CENPP: variants seen among roughly 807,000 people sequenced by gnomAD.
CENPP encodes centromere protein P.
Under a neutral mutation model 35.6 loss-of-function variants are expected in CENPP, and 24 were observed. The observed-to-expected ratio is 0.67, with a 90% CI of 0.49 to 0.95. CENPP has a LOEUF of 0.95. CENPP is among the 40% of genes least tolerant of loss of function. The probability of loss-of-function intolerance (pLI) is 0.00; values close to 1 mark genes in which losing one functional copy is unlikely to be tolerated. For synonymous variants in CENPP, 120 were observed against 125.5 expected, an observed-to-expected ratio of 0.96 and a Z score of 0.29; for missense variants, 332 against 345.3, an observed-to-expected ratio of 0.96 and a Z score of 0.31.
In CENPP at chr9:92,611,301, T is replaced by C. The variant is rs753697378; in HGVS notation, c.565-13T>C. 6.2e-7 allele frequency: 1 copy of C among 1,610,802 alleles called. No individual in the cohort carries two copies. Among genetic ancestry groups the C allele is most frequent in the Non-Finnish European group, 8.5e-7 (1 of 1,177,524 alleles). On this transcript the variant is annotated splice_polypyrimidine_tract_variant and intron_variant, in intron 5 of 7. Coordinates refer to ENST00000375587, the MANE Select transcript of CENPP (RefSeq NM_001012267.3). The stretch of plus-strand genomic sequence containing the variant: ...CCAGTGGATCTGTCTACCCGTTTCT[T>C]CTCCCCATGCAGGAAAAGTACCCAG...
chr9:92,570,536 G>T (rs146995041), intron 5 of CENPP, among the ~76,000 whole-genome samples: 6,060 of 152,140 alleles, frequency 0.04, 185 homozygotes, highest in South Asian at 0.098. Flanking sequence ...GGTCTAAAAT[G>T]CTCTTTTTTT....
At chr9:92,343,666 C>G (rs898173063) in intron 3 of CENPP, among the ~76,000 whole-genome samples, 5 of 152,178 alleles carry the variant, frequency 3.3e-5, no homozygotes, top group Admixed American at 2.0e-4. Flanking sequence ...CAAAGTTAAG[C>G]TGGCCACATT....
chr9:92,516,078 C>T (rs1451355615), intron 5 of CENPP, among the ~76,000 whole-genome samples: 1 of 150,022 alleles, frequency 6.7e-6, no homozygotes, highest in Admixed American at 6.6e-5. Context: ...TTTTTCCCCC[C>T]CCCGAGACGG....
intron 5 of CENPP, among the ~76,000 whole-genome samples, chr9:92,401,956 G>A (rs895879438): frequency 2.0e-5 from 3 of 152,106 alleles, no homozygotes; most frequent in Non-Finnish European, 4.4e-5. Flanking sequence ...CCATCTGTGT[G>A]GTGGTTGAAC....
intron 4 of CENPP, among the ~76,000 whole-genome samples, chr9:92,352,505 G>GTGTGTGTGTGTATAGATATATA: frequency 2.0e-5 from 1 of 49,794 alleles, no homozygotes. Context: ...GTGTGTGTGT[G>GTGTGTGTGTGTATAGATATATA]TATACATATA....
rs766310025 is a variant in CENPP, at chr9:92,552,188, T to TACAC, written c.565-59125_565-59124insCACA. ...TATATGTGATATGATAGATCTATCATATACACACACACACACACACACACA... is the reference window on the plus strand; with the variant it reads ...TATATGTGATATGATAGATCTATCATACACATACACACACACACACACACACACA... On this transcript the variant is annotated intron_variant, in intron 5 of 7. Transcript: ENST00000375587. Among the ~76,000 whole-genome samples, 120 of 100,114 alleles carry TACAC rather than the reference T, an allele frequency of 1.2e-3. 7 individuals carry two copies. The highest frequency in any genetic ancestry group is 3.1e-3 in the African/African-American group (48 of 15,650). The allele number at this position is 100,114 out of a possible 152,430, so 65.7% of individuals were successfully genotyped here. A position where few individuals can be genotyped will look rare whatever the true frequency, so the allele number is the denominator to read the frequency against.
At chr9:92,481,830 T>C (rs1001097233) in intron 5 of CENPP, among the ~76,000 whole-genome samples, 1 of 152,148 alleles carries the variant, frequency 6.6e-6, no homozygotes, top group African/African-American at 2.4e-5. Flanking sequence ...AAAATTGACA[T>C]TTCAGTAATT....
chr9:92,415,133 A>G (rs2130954737), intron 5 of CENPP: 2 of 1,572,078 alleles, frequency 1.3e-6, no homozygotes, highest in Middle Eastern at 1.7e-4. Context: ...TCGTAAGTGT[A>G]TACCTATATA....
chr9:92,454,312 G>C (rs1157486957), intron 5 of CENPP, among the ~76,000 whole-genome samples: 1 of 151,986 alleles, frequency 6.6e-6, no homozygotes, highest in Non-Finnish European at 1.5e-5. Flanking sequence ...TTAAAATTTT[G>C]GTTTTGTCTT....
intron 1 of CENPP, among the ~76,000 whole-genome samples, chr9:92,330,736 T>C (rs1840719631): frequency 6.7e-6 from 1 of 148,656 alleles, no homozygotes; most frequent in African/African-American, 2.5e-5. Context: ...TTGCCCAGGC[T>C]GGAATACAGT....
chr9:92,465,128 G>A (rs1000408994), intron 5 of CENPP: 5 of 820,840 alleles, frequency 6.1e-6, no homozygotes, highest in Non-Finnish European at 1.0e-5. Flanking sequence ...ATCCCAAGAA[G>A]CGTGAGCTTC....
At chr9:92,526,544 A>G (rs1848420652) in intron 5 of CENPP, among the ~76,000 whole-genome samples, 1 of 151,976 alleles carries the variant, frequency 6.6e-6, no homozygotes, top group Admixed American at 6.5e-5. Context: ...CAGCAAACCA[A>G]ACCCAAAATT....
At chr9:92,348,266 C>T (rs1243659003) in intron 4 of CENPP, among the ~76,000 whole-genome samples, 3 of 151,296 alleles carry the variant, frequency 2.0e-5, no homozygotes, top group Non-Finnish European at 4.4e-5. Context: ...GCTGACAAAA[C>T]GTGTTTTTGT....
At chr9:92,363,589 T>C (rs976503325) in intron 4 of CENPP, among the ~76,000 whole-genome samples, 2 of 152,208 alleles carry the variant, frequency 1.3e-5, no homozygotes, top group African/African-American at 2.4e-5. Flanking sequence ...GAATAAATCA[T>C]CTGACAATGC....
intron 5 of CENPP, among the ~76,000 whole-genome samples, chr9:92,587,842 T>C (rs72754477): frequency 0.04 from 6,064 of 152,222 alleles, 186 homozygotes; most frequent in South Asian, 0.099. Flanking sequence ...TGGTTACTTT[T>C]GAGCCAGGCA....
In CENPP at chr9:92,593,323, C is replaced by T. The variant is rs776100412; in HGVS notation, c.565-17991C>T. ...ACCGTGGCATCACACACAGGAGATACTCCATAATATCATTTTGAATGAATG... is the reference window on the plus strand; with the variant it reads ...ACCGTGGCATCACACACAGGAGATATTCCATAATATCATTTTGAATGAATG... On this transcript the variant is annotated intron_variant, in intron 5 of 7. Coordinates refer to ENST00000375587, the MANE Select transcript of CENPP (RefSeq NM_001012267.3). This position sits in a 1 kb window ranked among gnomAD's most constrained non-coding sequence, Gnocchi z 4.1. Among the ~76,000 whole-genome samples, 20 of 152,234 alleles carry T rather than the reference C, an allele frequency of 1.3e-4. No individual in the cohort carries two copies. Among genetic ancestry groups the T allele is most frequent in the Non-Finnish European group, 2.2e-4 (15 of 68,042 alleles).
intron 3 of CENPP, among the ~76,000 whole-genome samples, chr9:92,341,140 T>A (rs1841104449): frequency 6.6e-6 from 1 of 152,168 alleles, no homozygotes; most frequent in Non-Finnish European, 1.5e-5. Flanking sequence ...GCTCCCAGGC[T>A]TATTAGGAAG....
Position 92,612,549 on chromosome 9 carries a change from TACA to T in CENPP, c.673_675del (p.Gln225del), listed in dbSNP as rs1466561787. ...TTTGAATTAGTCATTGTTTGGAGGATACAAATAGATGAAGATGGGAAGGTTTTT... is the reference window on the plus strand; with the variant it reads ...TTTGAATTAGTCATTGTTTGGAGGATAATAGATGAAGATGGGAAGGTTTTT... On this transcript the variant is annotated inframe_deletion, in exon 7 of 8. Transcript: ENST00000375587. The T allele has an allele frequency of 6.8e-6, 11 of 1,613,856 alleles. No homozygotes were observed. In the African/African-American group the frequency reaches 1.5e-4, roughly 22 times the overall value.
At chr9:92,325,865 C>T (rs903328788), upstream of CENPP, 11 of 655,158 alleles carry the variant, frequency 1.7e-5, no homozygotes, top group Non-Finnish European at 2.8e-5. Context: ...TCACGCGGAG[C>T]TCTCCCGCCT....
Sources: gnomAD v4.1 joint callset for allele counts (sites outside exome capture counted in the v4.1 genomes callset) on GRCh38, gnomAD v4.1.1 for gene constraint, Gnocchi (gnomAD v3.1) non-coding constraint, MANE v1.5 for transcripts, NCBI Gene and HGNC (gene_info 2026-07-23, HGNC 2026-07-21) for gene names.